Variants in GK5 observed in about 807,000 individuals in gnomAD.
GK5 encodes glycerol kinase 5.
GK5 carries 39 observed loss-of-function variants against 77.3 expected under a neutral mutation model. That is an observed-to-expected ratio of 0.50 (90% confidence interval 0.39 to 0.66). The LOEUF (loss-of-function observed/expected upper bound fraction) is 0.66, where lower values mean the gene tolerates loss of function less well. Among genes scored for constraint, GK5 ranks in the 30% least tolerant of loss-of-function variants. GK5 has a pLI of 0.00. For synonymous variants in GK5, 211 were observed against 208.0 expected (o/e 1.01, Z -0.13); for missense variants, 487 against 633.8 (o/e 0.77, Z 2.49).
chr3:142,171,968 T>C (rs2108781223), intron 13 of GK5, among the ~76,000 whole-genome samples: 1 of 152,254 alleles, frequency 6.6e-6, no homozygotes, highest in South Asian at 2.1e-4. Flanking sequence ...TACAGGGAAA[T>C]ATGCAGAAGA....
intron 8 of GK5, 66 bp from the exon 9 acceptor site, chr3:142,186,055 A>G: frequency 7.1e-7 from 1 of 1,401,634 alleles, no homozygotes; most frequent in Non-Finnish European, 1.0e-6. Context: ...AACTCAGCAA[A>G]TTGTTTTTTT....
rs181886816 is a variant in GK5 at position 142,217,445 on chromosome 3, G to A, written c.148-1753C>T. The stretch of plus-strand genomic sequence containing the variant: ...GAGATAGAAGAAAATTAATAAACTT[G>A]AAGATAGACCAATAGAAATTATCTG... On this transcript the variant is annotated intron_variant, in intron 1 of 15. Coordinates refer to ENST00000392993, the MANE Select transcript of GK5 (RefSeq NM_001039547.3). 4.3e-3 allele frequency among the ~76,000 whole-genome samples: 661 copies of A among 152,192 alleles called. 12 individuals carry two copies. The highest frequency in any genetic ancestry group is 0.011 in the Admixed American group (164 of 15,288).
At chr3:142,185,586 C>T (rs1018590656) in intron 9 of GK5, 2 of 1,102,036 alleles carry the variant, frequency 1.8e-6, no homozygotes, top group Non-Finnish European at 2.2e-6. Context: ...AAATATTCGC[C>T]CCATCACTGT....
chr3:142,209,750 G>T (rs975548517), intron 3 of GK5, among the ~76,000 whole-genome samples: 1 of 152,052 alleles, frequency 6.6e-6, no homozygotes. Flanking sequence ...TGTAAATTAG[G>T]GCTGGTATTC....
chr3:142,211,514 G>A (rs2064187878), intron 3 of GK5, among the ~76,000 whole-genome samples: 1 of 152,142 alleles, frequency 6.6e-6, no homozygotes, highest in Admixed American at 6.5e-5. Flanking sequence ...GTACTGGGCC[G>A]AGCATGGTGG....
intron 13 of GK5, among the ~76,000 whole-genome samples, chr3:142,172,026 T>C (rs1019929039): frequency 2.6e-5 from 4 of 152,166 alleles, no homozygotes; most frequent in Non-Finnish European, 5.9e-5. Context: ...CATTATTACT[T>C]GGAATTATCT....
At chr3:142,181,388 C>G in intron 11 of GK5, 73 bp downstream of exon 11, 1 of 785,070 alleles carries the variant, frequency 1.3e-6, no homozygotes, top group Non-Finnish European at 2.1e-6. Flanking sequence ...TTGCTTCCTA[C>G]TAATCTGCAA....
In GK5 at chr3:142,163,841, A is replaced by G. The variant is rs2063446068; in HGVS notation, c.*1781T>C. The G allele has an allele frequency of 6.6e-6, 1 of 152,112 alleles. No individual in the cohort carries two copies. The highest frequency in any genetic ancestry group is 1.5e-5 in the Non-Finnish European group (1 of 68,038). The allele number at this position is 152,112 out of a possible 1,614,324, so 9.4% of individuals were successfully genotyped here. The stretch of plus-strand genomic sequence containing the variant: ...CAAGACCCTGTCTCTACAAAAAAAG[A>G]AAAAGAAAAAAAAATTACACCCACT... On this transcript the variant is annotated 3_prime_UTR_variant, in exon 16 of 16. Coordinates refer to ENST00000392993, the MANE Select transcript of GK5 (RefSeq NM_001039547.3).
intron 15 of GK5, among the ~76,000 whole-genome samples, chr3:142,166,865 C>T (rs1282081822): frequency 6.6e-6 from 1 of 152,130 alleles, no homozygotes; most frequent in African/African-American, 2.4e-5. Flanking sequence ...CATAAGTAGT[C>T]TGAAATGATA....
intron 12 of GK5, among the ~76,000 whole-genome samples, chr3:142,173,545 A>G (rs2063567367): frequency 6.6e-6 from 1 of 151,956 alleles, no homozygotes; most frequent in African/African-American, 2.4e-5. Flanking sequence ...TTAGCCAGAC[A>G]TGGTGGCGGG....
At chr3:142,213,441 T>G in intron 3 of GK5, 85 bp downstream of exon 3, 1 of 861,534 alleles carries the variant, frequency 1.2e-6, no homozygotes, top group Non-Finnish European at 2.0e-6. Flanking sequence ...TTCAGAAAGT[T>G]AAAACTCCCC....
At position 142,213,283 on chromosome 3, in the gene GK5, C is replaced by T. The variant is rs928964972; in HGVS notation, c.317+243G>A. Among the ~76,000 whole-genome samples the T allele has an allele frequency of 7.2e-5, 11 of 151,920 alleles. 1 individual carries two copies. The highest frequency in any genetic ancestry group is 1.6e-4 in the Non-Finnish European group (11 of 68,000). On this transcript the variant is annotated intron_variant, in intron 3 of 15. Coordinates refer to ENST00000392993, the MANE Select transcript of GK5 (RefSeq NM_001039547.3). ...TGCTTGTTTGAAAAGCTAACTTACC[C>T]GAAAGAAAGAAATGGATAATTTTAA... is the stretch of plus-strand genomic sequence containing the variant.
chr3:142,189,681 T>C (rs2063821825), intron 5 of GK5, among the ~76,000 whole-genome samples: 1 of 152,136 alleles, frequency 6.6e-6, no homozygotes, highest in African/African-American at 2.4e-5. Context: ...AGGACCTAGG[T>C]CAACCCCCCT....
At chr3:142,224,572 A>C (rs1410355113) in intron 1 of GK5, among the ~76,000 whole-genome samples, 3 of 152,262 alleles carry the variant, frequency 2.0e-5, no homozygotes, top group Non-Finnish European at 4.4e-5. Context: ...GGCTTTACTA[A>C]CAACCAACCA....
intron 4 of GK5, among the ~76,000 whole-genome samples, chr3:142,202,569 C>G (rs533338542): frequency 4.6e-5 from 7 of 152,262 alleles, no homozygotes; most frequent in Non-Finnish European, 1.0e-4. Context: ...CTAAGAGAAC[C>G]AAAACTTTGA....
At chr3:142,167,979 T>G (rs576443743) in intron 15 of GK5, among the ~76,000 whole-genome samples, 1 of 152,094 alleles carries the variant, frequency 6.6e-6, no homozygotes, top group Non-Finnish European at 1.5e-5. Flanking sequence ...GCCATTGCAC[T>G]CCAGCCTAGG....
At position 142,186,038 on chromosome 3, in the gene GK5, G is replaced by C. The variant is rs376775978; in HGVS notation, c.756-49C>G. ...GTTAGTTACAGCTCTAGAAATATTA[G>C]TTTTAAAACTCAGCAAATTGTTTTT... On this transcript the variant is annotated intron_variant, in intron 8 of 15. Transcript: ENST00000392993. 90 of 1,445,612 alleles carry C rather than the reference G, an allele frequency of 6.2e-5. No homozygotes were observed. The African/African-American group carries it at 8.6e-4, about 14-fold the overall frequency. 89.5% of individuals were successfully genotyped at this position (1,445,612 alleles called of 1,614,324 possible).
At chr3:142,200,802 A>T (rs1372881059) in intron 4 of GK5, among the ~76,000 whole-genome samples, 1 of 152,226 alleles carries the variant, frequency 6.6e-6, no homozygotes, top group Non-Finnish European at 1.5e-5. Flanking sequence ...GTATTTACTG[A>T]GTAACTTATA....
chr3:142,185,443 A>C (rs1276613791), intron 9 of GK5: 3 of 966,130 alleles, frequency 3.1e-6, no homozygotes, highest in Non-Finnish European at 3.7e-6. Context: ...AAAATGGCAA[A>C]TATTTCATTA....
Sources: allele counts gnomAD v4.1 joint callset (sites outside exome capture counted in the v4.1 genomes callset), GRCh38; gene constraint gnomAD v4.1.1; transcripts MANE v1.5; gene names NCBI Gene and HGNC (gene_info 2026-07-23, HGNC 2026-07-21).